The following LPP variants were observed in gnomAD, a reference collection of about 807,000 sequenced individuals.
LPP encodes LIM domain containing preferred translocation partner in lipoma.
Under a neutral mutation model 60.4 loss-of-function variants are expected in LPP, and 38 were observed. That is an observed-to-expected ratio of 0.63 (90% CI 0.49 to 0.83). The LOEUF (loss-of-function observed/expected upper bound fraction) is 0.83. LPP is among the 40% of genes least tolerant of loss of function. The probability of loss-of-function intolerance (pLI) is 0.00; values close to 1 mark genes in which losing one functional copy is unlikely to be tolerated. For missense variants in LPP, 902 were observed against 783.6 expected (o/e 1.15, Z -1.80); for synonymous variants, 328 against 290.8 (o/e 1.13, Z -1.30).
intron 9 of LPP, among the ~76,000 whole-genome samples, chr3:188,770,909 T>C (rs994820069): frequency 6.6e-6 from 1 of 152,226 alleles, no homozygotes; most frequent in African/African-American, 2.4e-5. Context: ...GTTTGTTATA[T>C]GTTCTCACAT....
At chr3:188,427,636 T>C (rs1016983442) in intron 4 of LPP, among the ~76,000 whole-genome samples, 1 of 152,158 alleles carries the variant, frequency 6.6e-6, no homozygotes, top group African/African-American at 2.4e-5. Context: ...ATAGCGGCAG[T>C]CTGTCTACAG....
chr3:188,665,427 A>C (rs1283475387), intron 7 of LPP, among the ~76,000 whole-genome samples: 1 of 151,360 alleles, frequency 6.6e-6, no homozygotes. Context: ...TTCCTCTCTA[A>C]ACAGAGCAAA....
chr3:188,399,346 G>C (rs554352958), intron 3 of LPP, among the ~76,000 whole-genome samples: 2 of 148,408 alleles, frequency 1.3e-5, no homozygotes, highest in Non-Finnish European at 2.9e-5. Flanking sequence ...ACTGACTTTT[G>C]TATAAAGAGA....
chr3:188,550,109 C>T (rs1827697780), intron 6 of LPP, among the ~76,000 whole-genome samples: 1 of 152,134 alleles, frequency 6.6e-6, no homozygotes. Flanking sequence ...ATTAATGCGA[C>T]CAAAATATTT....
chr3:188,386,089 A>G (rs371977074), intron 3 of LPP, among the ~76,000 whole-genome samples: 1 of 152,292 alleles, frequency 6.6e-6, no homozygotes, highest in African/African-American at 2.4e-5. Context: ...TGAACAAAAA[A>G]AAGTATGAGA....
intron 6 of LPP, among the ~76,000 whole-genome samples, chr3:188,582,273 G>A (rs1035883977): frequency 2.0e-4 from 29 of 145,584 alleles, no homozygotes; most frequent in Non-Finnish European, 3.1e-4. Flanking sequence ...CGATTCTCTT[G>A]CCTCAGCCTC....
chr3:188,694,706 A>T (rs113231845), intron 7 of LPP, among the ~76,000 whole-genome samples: 2,224 of 151,488 alleles, frequency 0.015, 65 homozygotes, highest in African/African-American at 0.051. Context: ...TCAAAAAAAA[A>T]AAAATAAATA....
chr3:188,291,263 G>T (rs1434550714), intron 2 of LPP, among the ~76,000 whole-genome samples: 1 of 152,112 alleles, frequency 6.6e-6, no homozygotes, highest in East Asian at 1.9e-4. Flanking sequence ...TGGTAGTGTT[G>T]ATTTTGAGAT....
rs146042962 is a variant in LPP at position 188,609,818 on chromosome 3, C to T, written c.1087C>T (p.Pro363Ser). The change falls in exon 7 of 12, where the codon CCC (proline) becomes TCC (serine). Residue 363 changes from proline (P) to serine (S), a missense_variant. Pro to Ser is a moderately conservative substitution (Grantham distance 74). Coordinates refer to ENST00000617246, the MANE Select transcript of LPP (RefSeq NM_001375462.1). This position sits in a 1 kb window ranked among gnomAD's most constrained non-coding sequence, Gnocchi z 6.9. ...KTYITDPVSA[P>S]CAPPLQPKGG... ...CTATATCACAGATCCTGTTTCAGCC[C>T]CCTGTGCGCCACCATTGCAGCCAAA... 3.2e-4 allele frequency: 511 copies of T among 1,612,548 alleles called. No homozygotes were observed. The African/African-American group carries it at 5.4e-3, about 17-fold the overall frequency.
chr3:188,550,980 G>T (rs1827975710), intron 6 of LPP, among the ~76,000 whole-genome samples: 1 of 152,132 alleles, frequency 6.6e-6, no homozygotes, highest in African/African-American at 2.4e-5. Context: ...TGGTTCATAA[G>T]ATGTTTTCCA....
intron 7 of LPP, among the ~76,000 whole-genome samples, chr3:188,613,310 C>CTATATCTATATA: frequency 6.9e-6 from 1 of 145,064 alleles, no homozygotes; most frequent in South Asian, 2.1e-4. Context: ...ATATCTATAT[C>CTATATCTATATA]TATATATATC....
chr3:188,446,386 G>A (rs1371869181), intron 4 of LPP, among the ~76,000 whole-genome samples: 1 of 152,188 alleles, frequency 6.6e-6, no homozygotes, highest in African/African-American at 2.4e-5. Context: ...AAAACATCAT[G>A]AAATTGACCA....
chr3:188,319,552 A>G (rs1255844239), intron 2 of LPP, among the ~76,000 whole-genome samples: 1 of 152,212 alleles, frequency 6.6e-6, no homozygotes, highest in Non-Finnish European at 1.5e-5. Context: ...ACTTTATGTA[A>G]TATCTTGTAT....
chr3:188,173,934 C>T (rs1478429312), intron 1 of LPP, among the ~76,000 whole-genome samples: 2 of 152,236 alleles, frequency 1.3e-5, no homozygotes, highest in Non-Finnish European at 2.9e-5. Context: ...CCTTTCCCCT[C>T]ATTTTTCCTT....
intron 4 of LPP, among the ~76,000 whole-genome samples, chr3:188,456,905 AG>A (rs1352687516): frequency 6.6e-6 from 1 of 152,166 alleles, no homozygotes; most frequent in African/African-American, 2.4e-5. Context: ...AAAGGGTAAG[AG>A]GTAACTAGCC....
intron 7 of LPP, among the ~76,000 whole-genome samples, chr3:188,620,102 C>G (rs1845535367): frequency 6.6e-6 from 1 of 152,032 alleles, no homozygotes; most frequent in African/African-American, 2.4e-5. Context: ...GCACCTCATT[C>G]AGTATTTTTA....
intron 3 of LPP, among the ~76,000 whole-genome samples, chr3:188,354,562 A>T (rs114183139): frequency 6.6e-6 from 1 of 152,268 alleles, no homozygotes. Context: ...GGAGGAATGG[A>T]TGTTTTTTTT....
At chr3:188,756,010 T>G (rs1730104475) in intron 8 of LPP, among the ~76,000 whole-genome samples, 1 of 152,154 alleles carries the variant, frequency 6.6e-6, no homozygotes, top group African/African-American at 2.4e-5. Context: ...TTATTAAGAC[T>G]TCTGTAAAGT....
intron 6 of LPP, among the ~76,000 whole-genome samples, chr3:188,577,847 T>TTCTC (rs1704942526): frequency 7.4e-6 from 1 of 135,002 alleles, no homozygotes; most frequent in African/African-American, 2.7e-5. Flanking sequence ...TTCTTGCCCT[T>TTCTC]TCTCTCTCTC....
Sources: allele counts gnomAD v4.1 joint callset (sites outside exome capture counted in the v4.1 genomes callset), GRCh38; gene constraint gnomAD v4.1.1; non-coding constraint Gnocchi (gnomAD v3.1); transcripts MANE v1.5; gene names NCBI Gene and HGNC (gene_info 2026-07-23, HGNC 2026-07-21).